MFSD8: variants seen among roughly 807,000 people sequenced by gnomAD.
The protein encoded by MFSD8 is major facilitator superfamily domain containing 8.
A neutral mutation model predicts 66.4 loss-of-function variants in MFSD8; 55 were observed. The ratio of observed to expected loss-of-function variants is 0.83; its 90% confidence interval spans 0.67 to 1.04. The LOEUF (loss-of-function observed/expected upper bound fraction) is 1.04, where lower values mean the gene tolerates loss of function less well. MFSD8 is among the 50% of genes least tolerant of loss of function. MFSD8 has a pLI of 0.00. For synonymous variants in MFSD8, 202 were observed against 212.8 expected (o/e 0.95, Z 0.44); for missense variants, 550 against 627.6 (o/e 0.88, Z 1.32).
intron 3 of MFSD8, among the ~76,000 whole-genome samples, chr4:127,947,288 G>T (rs980383910): frequency 6.6e-6 from 1 of 152,024 alleles, no homozygotes; most frequent in African/African-American, 2.4e-5. Flanking sequence ...TACTTGGAAG[G>T]CTGAGGCATG....
intron 5 of MFSD8, among the ~76,000 whole-genome samples, 169 bp from the exon 6 acceptor site, chr4:127,940,166 C>G (rs1739917936): frequency 6.6e-6 from 1 of 151,988 alleles, no homozygotes; most frequent in African/African-American, 2.4e-5. Context: ...AAAAAATTTC[C>G]TCTTTTTATG....
chr4:127,933,609 C>T (rs1337298748), intron 7 of MFSD8: 1 of 153,774 alleles, frequency 6.5e-6, no homozygotes, highest in African/African-American at 2.4e-5. Context: ...GGTGAATTTT[C>T]TTCCCCAGAG....
At chr4:127,953,197 T>C (rs937905325) in intron 2 of MFSD8, among the ~76,000 whole-genome samples, 7 of 152,044 alleles carry the variant, frequency 4.6e-5, no homozygotes, top group African/African-American at 1.7e-4. Context: ...ATCATCTTAG[T>C]TGATGTTGGT....
intron 1 of MFSD8, among the ~76,000 whole-genome samples, chr4:127,961,497 T>C (rs1743729185): frequency 6.6e-6 from 1 of 151,644 alleles, no homozygotes; most frequent in African/African-American, 2.4e-5. Flanking sequence ...ATCTGGAAAA[T>C]AGCTAAAAAC....
chr4:127,932,696 C>T (rs1738356945), intron 8 of MFSD8: 1 of 265,256 alleles, frequency 3.8e-6, no homozygotes, highest in Non-Finnish European at 7.2e-6. Flanking sequence ...TAAATCATGG[C>T]ACTAAAGTTT....
rs545096620 is a variant in MFSD8, at chr4:127,920,560, A to G, written c.*70T>C. The G allele has an allele frequency of 6.0e-6, 9 of 1,501,836 alleles. No homozygotes were observed. 93.0% of individuals were successfully genotyped at this position (1,501,836 alleles called of 1,614,324 possible). On this transcript the variant is annotated 3_prime_UTR_variant, in exon 12 of 12. Coordinates refer to ENST00000641686, the MANE Select transcript of MFSD8 (RefSeq NM_001371596.2). ...TGATTCTTGGAGACTGGCTCACCGC[A>G]ATTGTCTAGCAGAGCTTTAGACCAG...
chr4:127,938,799 AC>A lies in MFSD8; in HGVS notation c.737del (p.Ser246IlefsTer33). The A allele has an allele frequency of 6.2e-7, 1 of 1,609,948 alleles. No homozygotes were observed. Among genetic ancestry groups the A allele is most frequent in the South Asian group, 1.1e-5 (1 of 90,810 alleles). Reference sequence around the variant, plus strand: ...TAAAAGTACCTTCTTCAAAATTAATACTTTTACACTGTCTTCCTGAGTCATC... The same window carrying A: ...TAAAAGTACCTTCTTCAAAATTAATATTTTACACTGTCTTCCTGAGTCATC... The part of the protein sequence containing the change: ...RVDDSGRQCK[S>X]INFEEASTDE... On this transcript the variant is annotated frameshift_variant, in exon 7 of 12. Transcript: ENST00000641686. LOFTEE classifies it high-confidence loss of function.
chr4:127,962,051 A>G (rs1007707261), intron 1 of MFSD8, among the ~76,000 whole-genome samples: 17 of 152,220 alleles, frequency 1.1e-4, no homozygotes, highest in African/African-American at 4.1e-4. Context: ...GGTGACAGCA[A>G]CAACAATAAA....
intron 6 of MFSD8, chr4:127,939,104 A>G: frequency 3.7e-6 from 1 of 269,392 alleles, no homozygotes. Context: ...TTGAAGTTTT[A>G]CAGTGATTAT....
chr4:127,926,816 A>C (rs913160887), intron 9 of MFSD8, among the ~76,000 whole-genome samples: 2 of 152,160 alleles, frequency 1.3e-5, no homozygotes, highest in African/African-American at 4.8e-5. Context: ...CCAACTTAGA[A>C]CTGTTCAGCT....
chr4:127,951,037 G>C (rs1339273444), intron 2 of MFSD8, among the ~76,000 whole-genome samples: 2 of 151,370 alleles, frequency 1.3e-5, no homozygotes, highest in African/African-American at 4.9e-5. Context: ...TCCAGTCTAG[G>C]TGAGAGTGAG....
Position 127,932,791 on chromosome 4 carries a change from GT to G in MFSD8, c.863+193del, listed in dbSNP as rs1174136151. ...TTTTATAAGAAAATAAGATAAGGTAGTTAAGATTATGGACAAATAATTAACT... is the reference window on the plus strand; with the variant it reads ...TTTTATAAGAAAATAAGATAAGGTAGTAAGATTATGGACAAATAATTAACT... On this transcript the variant is annotated intron_variant, in intron 8 of 11. Transcript: ENST00000641686. 9.9e-6 allele frequency: 5 copies of G among 506,992 alleles called. No individual in the cohort carries two copies. In the East Asian group the frequency reaches 1.7e-4, roughly 17 times the overall value. 31.4% of individuals were successfully genotyped at this position (506,992 alleles called of 1,614,324 possible). A position where few individuals can be genotyped will look rare whatever the true frequency, so the allele number is the denominator to read the frequency against.
chr4:127,934,763 T>C (rs1355603848), intron 7 of MFSD8: 1 of 152,102 alleles, frequency 6.6e-6, no homozygotes, highest in Non-Finnish European at 1.5e-5. Context: ...TTCACCATGT[T>C]GGCCAGGATA....
Position 127,944,489 on chromosome 4 carries a change from C to A in MFSD8, c.199-497G>T, listed in dbSNP as rs114786626. Among the ~76,000 whole-genome samples, 1,317 of 152,068 alleles carry A rather than the reference C, an allele frequency of 8.7e-3. 23 individuals are homozygous for A. The highest frequency in any genetic ancestry group is 0.03 in the African/African-American group (1,232 of 41,474). Reference sequence around the variant, plus strand: ...GATGATAGACAATTATCTCAATAAACCTGTTATAAATTCTTCCGTTCTATA... The same window carrying A: ...GATGATAGACAATTATCTCAATAAAACTGTTATAAATTCTTCCGTTCTATA... On this transcript the variant is annotated intron_variant, in intron 3 of 11. Transcript: ENST00000641686.
Position 127,957,502 on chromosome 4 carries a change from T to C in MFSD8, c.153A>G (p.Val51=), listed in dbSNP as rs587781037. ...ILYLTMFLSS[V]GFSVVMMSIW... ...AAATTATGTATTTCTAATACTTACC[T>C]ACACTGCTGAGAAACATAGTAAGAT... Residue 51 remains valine, a splice_region_variant and synonymous_variant, in exon 2 of 12, where the codon GTA becomes GTG. Transcript: ENST00000641686. The C allele has an allele frequency of 9.4e-6, 15 of 1,591,936 alleles. No individual in the cohort carries two copies. Among genetic ancestry groups the C allele is most frequent in the Non-Finnish European group, 1.3e-5 (15 of 1,160,420 alleles).
chr4:127,965,329 G>A, upstream of MFSD8: 1 of 664,224 alleles, frequency 1.5e-6, no homozygotes, highest in Non-Finnish European at 2.7e-6. Context: ...AGGAGGCTGT[G>A]TCCTCAGCCT....
chr4:127,953,869 T>G (rs1414407987), intron 2 of MFSD8, among the ~76,000 whole-genome samples: 1 of 152,218 alleles, frequency 6.6e-6, no homozygotes, highest in East Asian at 1.9e-4. Context: ...CATTCACTTT[T>G]CTTTTTACCC....
chr4:127,939,628 AAAAAC>A, intron 6 of MFSD8: 1 of 322,624 alleles, frequency 3.1e-6, no homozygotes, highest in Non-Finnish European at 5.6e-6. Flanking sequence ...AAAAAAAAAA[AAAAAC>A]TTTGAATCTT....
chr4:127,921,425 C>T, intron 11 of MFSD8, 99 bp downstream of exon 11: 1 of 1,584,818 alleles, frequency 6.3e-7, no homozygotes, highest in Non-Finnish European at 8.6e-7. Context: ...ATAAAAATCC[C>T]TCAAATCAGT....
Sources: gnomAD v4.1 joint callset for allele counts (sites outside exome capture counted in the v4.1 genomes callset) on GRCh38, gnomAD v4.1.1 for gene constraint, MANE v1.5 for transcripts, NCBI Gene and HGNC (gene_info 2026-07-23, HGNC 2026-07-21) for gene names.